The following GSE1 variants were observed in gnomAD, a reference collection of about 807,000 sequenced individuals.
GSE1 encodes genetic suppressor element 1.
Under a neutral mutation model 112.6 loss-of-function variants are expected in GSE1, and 32 were observed. That is an observed-to-expected ratio of 0.28 (90% CI 0.21 to 0.38). The LOEUF is 0.38. GSE1 is among the 10% of genes least tolerant of loss of function. The pLI, the probability that GSE1 is intolerant of heterozygous loss-of-function variation, is 1.00. For synonymous variants in GSE1, 1,115 were observed against 735.6 expected, an observed-to-expected ratio of 1.52 and a Z score of -8.35; for missense variants, 2,348 against 1,699.2, an observed-to-expected ratio of 1.38 and a Z score of -6.71.
upstream of GSE1, chr16:85,555,297 C>G: frequency 1.0e-6 from 1 of 985,310 alleles, no homozygotes; most frequent in Non-Finnish European, 1.2e-6. Context: ...CTCCTTCTGC[C>G]CAGGCGCCAG....
intron 2 of GSE1, among the ~76,000 whole-genome samples, chr16:85,531,011 G>A (rs2044118169): frequency 6.6e-6 from 1 of 152,232 alleles, no homozygotes; most frequent in Non-Finnish European, 1.5e-5. Flanking sequence ...CTCTGTGCTG[G>A]GAGCAGGGGC....
chr16:85,464,062 G>GGCCAGCAGCGGGGGGACGAC lies in GSE1; in HGVS notation c.2464+106424_2464+106443dup, dbSNP rs2050055094. Among the ~76,000 whole-genome samples, 3 of 152,260 alleles carry GGCCAGCAGCGGGGGGACGAC rather than the reference G, an allele frequency of 2.0e-5. No individual in the cohort carries two copies. The South Asian group carries it at 6.2e-4, about 32-fold the overall frequency. ...CGGGCCTTTTCTTCCAGGTGAGCCA[G>GGCCAGCAGCGGGGGGACGAC]GCCAGCAGCGGGGGGACGACGCCAT... On this transcript the variant is annotated intron_variant, in intron 2 of 2. Transcript: ENST00000637419.
chr16:85,285,251 C>G (rs1203110036), intron 1 of GSE1: 1 of 152,166 alleles, frequency 6.6e-6, no homozygotes, highest in African/African-American at 2.4e-5. Context: ...CCCAAACAGT[C>G]CATTTGGTTA....
chr16:85,649,532 C>G (rs1258704377), intron 3 of GSE1, among the ~76,000 whole-genome samples: 3 of 152,204 alleles, frequency 2.0e-5, no homozygotes, highest in Admixed American at 2.0e-4. Context: ...TCGCTCTGCA[C>G]TGACTGGGGC....
intron 2 of GSE1, among the ~76,000 whole-genome samples, chr16:85,503,187 G>C (rs191996514): frequency 6.6e-6 from 1 of 152,214 alleles, no homozygotes; most frequent in African/African-American, 2.4e-5. Context: ...AGCCACTGAC[G>C]GGATTAAGTG....
intron 1 of GSE1, among the ~76,000 whole-genome samples, chr16:85,290,359 C>G (rs769703870): frequency 2.6e-5 from 4 of 152,346 alleles, no homozygotes; most frequent in Middle Eastern, 3.4e-3. Context: ...AAGGATCCCT[C>G]CCCATGACCT....
At chr16:85,546,728 T>G (rs1283167616) in intron 2 of GSE1, among the ~76,000 whole-genome samples, 3 of 152,226 alleles carry the variant, frequency 2.0e-5, no homozygotes, top group Admixed American at 6.5e-5. Context: ...TGGCCAGAAC[T>G]TGGTCACCTG....
intron 2 of GSE1, among the ~76,000 whole-genome samples, chr16:85,485,159 G>A (rs971787772): frequency 2.0e-5 from 3 of 152,242 alleles, no homozygotes; most frequent in Admixed American, 1.3e-4. Context: ...CAGCGTTCAC[G>A]CCACCACACC....
chr16:85,632,260 C>T (rs1408238033), intron 1 of GSE1, among the ~76,000 whole-genome samples: 1 of 152,214 alleles, frequency 6.6e-6, no homozygotes, highest in Non-Finnish European at 1.5e-5. Flanking sequence ...GGGCATGGGG[C>T]TCTCAGGGGT....
chr16:85,288,763 T>TG (rs2045117665), intron 1 of GSE1, among the ~76,000 whole-genome samples: 1 of 151,584 alleles, frequency 6.6e-6, no homozygotes, highest in Non-Finnish European at 1.5e-5. Context: ...AATCTGGGGG[T>TG]GGGGGGCATT....
chr16:85,670,429 T>G (rs2152017575), intron 14 of GSE1, among the ~76,000 whole-genome samples: 1 of 152,310 alleles, frequency 6.6e-6, no homozygotes, highest in East Asian at 1.9e-4. Flanking sequence ...TGTTAGTACT[T>G]TTAGGATTTT....
At chr16:85,609,937 C>T (rs997834866), upstream of GSE1, among the ~76,000 whole-genome samples, 6 of 152,190 alleles carry the variant, frequency 3.9e-5, no homozygotes, top group African/African-American at 1.2e-4. Context: ...GGATTACAGG[C>T]GTGAGCTACC....
chr16:85,246,322 CACACACACACCCCCCACACGCTGTCT>C lies in GSE1; in HGVS notation c.2283+74526_2283+74551del, dbSNP rs1377966557. Among the ~76,000 whole-genome samples the C allele has an allele frequency of 6.1e-4, 55 of 89,732 alleles. 1 individual carries two copies. Among genetic ancestry groups the C allele is most frequent in the Non-Finnish European group, 9.0e-4 (39 of 43,482 alleles). 58.9% of individuals were successfully genotyped at this position (89,732 alleles called of 152,430 possible). A position where few individuals can be genotyped will look rare whatever the true frequency, so the allele number is the denominator to read the frequency against. On this transcript the variant is annotated intron_variant, in intron 1 of 2. Coordinates refer to the GSE1 transcript ENST00000637419. ...CCCACACGCTGTCTACACACACACA[CACACACACACCCCCCACACGCTGTCT>C]ACACACACACACACACACACCACAC...
chr16:85,607,827 G>T (rs1196208355), upstream of GSE1, among the ~76,000 whole-genome samples: 4 of 152,340 alleles, frequency 2.6e-5, no homozygotes, highest in South Asian at 4.1e-4. Flanking sequence ...AGGAGACAGG[G>T]GCCTTCTTCC....
At chr16:85,185,879 T>C in intron 1 of GSE1, among the ~76,000 whole-genome samples, 1 of 152,292 alleles carries the variant, frequency 6.6e-6, no homozygotes, top group South Asian at 2.1e-4. Context: ...AGGGCCGTTG[T>C]CTAGGAGATG....
At chr16:85,298,007 G>A (rs901097338) in intron 1 of GSE1, among the ~76,000 whole-genome samples, 8 of 152,296 alleles carry the variant, frequency 5.3e-5, no homozygotes, top group South Asian at 2.1e-4. Flanking sequence ...ATTGCCTTCC[G>A]TGAAGACAGT....
At chr16:85,625,167 G>A (rs530993643) in intron 1 of GSE1, among the ~76,000 whole-genome samples, 4 of 152,214 alleles carry the variant, frequency 2.6e-5, no homozygotes, top group South Asian at 2.1e-4. Flanking sequence ...GCTGCCGCCC[G>A]CATCTGCCAG....
chr16:85,253,365 C>T (rs1030356857), intron 1 of GSE1, among the ~76,000 whole-genome samples: 2 of 152,184 alleles, frequency 1.3e-5, no homozygotes, highest in Non-Finnish European at 2.9e-5. Flanking sequence ...CTAGGTGTCG[C>T]TGTCCCCTGC....
intron 1 of GSE1, among the ~76,000 whole-genome samples, chr16:85,298,771 A>C (rs1358871175): frequency 6.6e-6 from 1 of 152,228 alleles, no homozygotes; most frequent in Non-Finnish European, 1.5e-5. Context: ...CGCCCTTTGC[A>C]TGTTAATCTG....
Sources: allele counts gnomAD v4.1 joint callset (sites outside exome capture counted in the v4.1 genomes callset), GRCh38; gene constraint gnomAD v4.1.1; transcripts MANE v1.5; gene names NCBI Gene and HGNC (gene_info 2026-07-23, HGNC 2026-07-21).